SPMIP7: variants seen among roughly 807,000 people sequenced by gnomAD.
SPMIP7 encodes the protein sperm microtubule inner protein 7.
the SPMIP7 span, among the ~76,000 whole-genome samples, chr7:50,137,675 G>A: frequency 1.3e-5 from 2 of 151,886 alleles, no homozygotes; most frequent in African/African-American, 4.8e-5. Flanking sequence ...CCAGTGTTTA[G>A]AATTTTCAGA....
chr7:50,133,912 A>T, the SPMIP7 span, among the ~76,000 whole-genome samples: 1 of 152,134 alleles, frequency 6.6e-6, no homozygotes, highest in African/African-American at 2.4e-5. Context: ...AAAATCACAT[A>T]ACACAGGAGT....
the SPMIP7 span, among the ~76,000 whole-genome samples, chr7:50,147,496 T>C: frequency 1.1e-4 from 17 of 152,218 alleles, no homozygotes. Context: ...ACATCAAGCA[T>C]TTAAAAGGGT....
At chr7:50,117,364 G>A in the SPMIP7 span, 187 of 400,044 alleles carry the variant, frequency 4.7e-4, no homozygotes, top group Admixed American at 9.4e-4. Context: ...CAGCCAAATT[G>A]GTAGTTTCAT....
chr7:50,149,311 G>A, the SPMIP7 span, among the ~76,000 whole-genome samples: 3 of 152,164 alleles, frequency 2.0e-5, no homozygotes, highest in Non-Finnish European at 4.4e-5. Flanking sequence ...TTTTGTAAAT[G>A]TTTTATTTCT....
At chr7:50,142,055 C>G in the SPMIP7 span, 1 of 152,152 alleles carries the variant, frequency 6.6e-6, no homozygotes, top group South Asian at 2.1e-4. Context: ...CACATAGGAA[C>G]TTGAAGGCTG....
chr7:50,133,233 GTT>G, the SPMIP7 span, among the ~76,000 whole-genome samples: 2 of 111,286 alleles, frequency 1.8e-5, no homozygotes, highest in East Asian at 8.2e-4. Flanking sequence ...GTGTGTGTGT[GTT>G]TGTGTGTGTG....
the SPMIP7 span, among the ~76,000 whole-genome samples, chr7:50,123,291 A>G: frequency 1.5e-5 from 2 of 133,856 alleles, no homozygotes; most frequent in Non-Finnish European, 3.1e-5. Context: ...ATTGGAAATC[A>G]TCATTCTCAG....
chr7:50,109,133 T>A, the SPMIP7 span, among the ~76,000 whole-genome samples: 1 of 152,186 alleles, frequency 6.6e-6, no homozygotes, highest in African/African-American at 2.4e-5. Context: ...TAAGATTGAT[T>A]TATGATATAT....
At chr7:50,151,177 A>G in the SPMIP7 span, among the ~76,000 whole-genome samples, 1 of 152,236 alleles carries the variant, frequency 6.6e-6, no homozygotes, top group Non-Finnish European at 1.5e-5. Flanking sequence ...TGTAAAAGAC[A>G]TGGAAATTTA....
the SPMIP7 span, among the ~76,000 whole-genome samples, chr7:50,113,054 A>G: frequency 6.6e-6 from 1 of 152,036 alleles, no homozygotes; most frequent in Non-Finnish European, 1.5e-5. Context: ...TTATGTCCCC[A>G]CAAACTAGAA....
chr7:50,146,414 A>G, the SPMIP7 span, among the ~76,000 whole-genome samples: 1 of 152,208 alleles, frequency 6.6e-6, no homozygotes, highest in Non-Finnish European at 1.5e-5. Flanking sequence ...TTTGAGTTAT[A>G]CTGTTTCTAC....
the SPMIP7 span, among the ~76,000 whole-genome samples, chr7:50,112,250 A>T: frequency 7.5e-4 from 114 of 152,280 alleles, 1 homozygote; most frequent in Middle Eastern, 6.8e-3. Flanking sequence ...AGTGGAAGAT[A>T]AACAAAGAAG....
At chr7:50,101,061 G>A in the SPMIP7 span, among the ~76,000 whole-genome samples, 1 of 152,108 alleles carries the variant, frequency 6.6e-6, no homozygotes, top group African/African-American at 2.4e-5. Context: ...AGTGATGAAT[G>A]GTAGCTGGTC....
chr7:50,124,855 T>C, the SPMIP7 span, among the ~76,000 whole-genome samples: 8 of 151,996 alleles, frequency 5.3e-5, no homozygotes, highest in Admixed American at 4.6e-4. Context: ...TCCCAGGACT[T>C]TGGGAGGCCA....
At chr7:50,131,183 A>G in the SPMIP7 span, among the ~76,000 whole-genome samples, 5 of 152,282 alleles carry the variant, frequency 3.3e-5, no homozygotes, top group East Asian at 9.6e-4. Flanking sequence ...GAGTGCTGGC[A>G]GAAAAATTTG....
chr7:50,114,345 A>C, the SPMIP7 span, among the ~76,000 whole-genome samples: 2 of 152,258 alleles, frequency 1.3e-5, no homozygotes, highest in African/African-American at 4.8e-5. Flanking sequence ...TAAAAAAGTA[A>C]ATTGTGTGAC....
the SPMIP7 span, among the ~76,000 whole-genome samples, chr7:50,105,649 C>T: frequency 6.6e-6 from 1 of 152,172 alleles, no homozygotes. Flanking sequence ...AGATGTCACA[C>T]ACATGGTAGG....
chr7:50,111,272 A>G, the SPMIP7 span, among the ~76,000 whole-genome samples: 1 of 151,992 alleles, frequency 6.6e-6, no homozygotes, highest in Non-Finnish European at 1.5e-5. Flanking sequence ...CTCTGCACAG[A>G]GAGGCTTCCT....
the SPMIP7 span, chr7:50,095,999 G>A: frequency 1.2e-6 from 1 of 851,232 alleles, no homozygotes; most frequent in Non-Finnish European, 1.7e-6. Context: ...CAGATCTTTA[G>A]TTATTGGCAA....
Sources: allele counts gnomAD v4.1 joint callset (sites outside exome capture counted in the v4.1 genomes callset), GRCh38; gene constraint gnomAD v4.1.1; transcripts MANE v1.5; gene names NCBI Gene and HGNC (gene_info 2026-07-23, HGNC 2026-07-21).